Variants in VPS13A observed in about 807,000 individuals in gnomAD.
VPS13A encodes the protein intermembrane lipid transfer protein VPS13A.
A neutral mutation model predicts 390.9 loss-of-function variants in VPS13A; 264 were observed. The ratio of observed to expected loss-of-function variants is 0.68; its 90% CI spans 0.61 to 0.75. VPS13A has a LOEUF of 0.75. VPS13A is among the 30% of genes least tolerant of loss of function. VPS13A has a pLI of 0.00. For synonymous variants in VPS13A, 1,231 were observed against 1,227.1 expected, an observed-to-expected ratio of 1.00 and a Z score of -0.07; for missense variants, 3,409 against 3,733.9, an observed-to-expected ratio of 0.91 and a Z score of 2.27.
chr9:77,380,625 T>G (rs1009405281), intron 67 of VPS13A, among the ~76,000 whole-genome samples: 1 of 152,190 alleles, frequency 6.6e-6, no homozygotes, highest in Non-Finnish European at 1.5e-5. Flanking sequence ...CTGTTTTCAG[T>G]TGGAGAATTT....
intron 68 of VPS13A, among the ~76,000 whole-genome samples, chr9:77,391,055 A>T (rs1031762877): frequency 1.3e-5 from 2 of 152,220 alleles, no homozygotes; most frequent in Non-Finnish European, 2.9e-5. Flanking sequence ...TTTTTAATCA[A>T]AGATCTGTCA....
chr9:77,315,744 C>G (rs1324862037), intron 38 of VPS13A, among the ~76,000 whole-genome samples: 3 of 151,900 alleles, frequency 2.0e-5, no homozygotes, highest in Non-Finnish European at 2.9e-5. Context: ...AGGAATTTGT[C>G]TAGTGGAAAA....
intron 62 of VPS13A, among the ~76,000 whole-genome samples, chr9:77,368,433 T>A (rs1395900342): frequency 6.6e-6 from 1 of 152,186 alleles, no homozygotes; most frequent in East Asian, 1.9e-4. Context: ...AAAAAATGGG[T>A]TCATGGAAAC....
rs777980951 is a variant in VPS13A, at chr9:77,353,546, A to G, written c.7557A>G (p.Leu2519=). 4.3e-6 allele frequency: 7 copies of G among 1,613,596 alleles called. No homozygotes were observed. In the Admixed American group the frequency reaches 5.0e-5, roughly 12 times the overall value. The change falls in exon 54 of 72, where the codon TTA becomes TTG. Residue 2519 remains leucine (L), a synonymous_variant. Coordinates refer to ENST00000360280, the MANE Select transcript of VPS13A (RefSeq NM_033305.3). ...CATATGAAAGTGAGAAAGCAGAGTT[A>G]GCAGAGCAAGAAATTGCAGTGGCAT... ...KVTYESEKAE[L]AEQEIAVALQ...
At position 77,177,708 on chromosome 9, in the gene VPS13A, G is replaced by C. The variant is rs1290491029; in HGVS notation, c.4G>C (p.Val2Leu). The C allele has an allele frequency of 6.2e-7, 1 of 1,613,266 alleles. No individual in the cohort carries two copies. Among genetic ancestry groups the C allele is most frequent in the Non-Finnish European group, 8.5e-7 (1 of 1,179,582 alleles). Residue 2 changes from valine (V) to leucine (L), a missense_variant, in exon 1 of 72, where the codon GTT (valine) becomes CTT (leucine). Physicochemically the swap from Val to Leu is conservative, Grantham distance 32. Around this residue, in one of 5 missense-constraint regions of VPS13A, gnomAD observed 2,717 missense variants for 2,917.4 expected, o/e 0.93. Transcript: ENST00000360280. ...GTGCCCACCACGGCTGAGGAACATGGTTTTCGAGTCGGTGGTCGTGGACGT... is the reference window on the plus strand; with the variant it reads ...GTGCCCACCACGGCTGAGGAACATGCTTTTCGAGTCGGTGGTCGTGGACGT... M[V>L]FESVVVDVLN... is the part of the protein sequence containing the mutation.
At chr9:77,399,167 TAAAA>T (rs763173093) in intron 68 of VPS13A, among the ~76,000 whole-genome samples, 6 of 86,060 alleles carry the variant, frequency 7.0e-5, no homozygotes, top group African/African-American at 1.2e-4. Flanking sequence ...TAGAGTATAA[TAAAA>T]AAAAAAAAAT....
chr9:77,328,380 A>AT (rs1229307613), intron 45 of VPS13A, among the ~76,000 whole-genome samples: 2 of 152,202 alleles, frequency 1.3e-5, no homozygotes, highest in African/African-American at 4.8e-5. Flanking sequence ...AGGCCCTGGG[A>AT]TTTTCATAAT....
intron 60 of VPS13A, among the ~76,000 whole-genome samples, chr9:77,366,373 A>C (rs556789763): frequency 6.6e-6 from 1 of 152,154 alleles, no homozygotes; most frequent in Non-Finnish European, 1.5e-5. Context: ...TAAGTGAAAC[A>C]TAAGTCATAT....
intron 67 of VPS13A, among the ~76,000 whole-genome samples, chr9:77,378,215 A>G (rs116806258): frequency 0.019 from 2,880 of 152,164 alleles, 92 homozygotes; most frequent in African/African-American, 0.064. Flanking sequence ...TTTTTGGAAG[A>G]CTTTGTGGAG....
chr9:77,411,680 A>AAAAAAG (rs1834937333), intron 71 of VPS13A, among the ~76,000 whole-genome samples: 1 of 147,088 alleles, frequency 6.8e-6, no homozygotes, highest in African/African-American at 2.5e-5. Flanking sequence ...AAAAAAAAAA[A>AAAAAAG]AAAAAGGAAC....
At position 77,416,514 on chromosome 9, in the gene VPS13A, GC is replaced by G. The variant is rs1345961292; in HGVS notation, c.*510del. On this transcript the variant is annotated 3_prime_UTR_variant, in exon 72 of 72. Coordinates refer to ENST00000360280, the MANE Select transcript of VPS13A (RefSeq NM_033305.3). ...TTCTTCAGAATCATGAAGTTCTTTT[GC>G]CAGATAAATATTTTGATATTATTTT... The G allele has an allele frequency of 6.5e-6, 1 of 154,086 alleles. No individual in the cohort carries two copies. Among genetic ancestry groups the G allele is most frequent in the African/African-American group, 2.4e-5 (1 of 41,422 alleles). The allele number at this position is 154,086 out of a possible 1,614,324, so 9.5% of individuals were successfully genotyped here. A position where few individuals can be genotyped will look rare whatever the true frequency, so the allele number is the denominator to read the frequency against.
chr9:77,322,089 A>T (rs896354818), intron 44 of VPS13A, among the ~76,000 whole-genome samples: 2 of 151,806 alleles, frequency 1.3e-5, no homozygotes, highest in Non-Finnish European at 2.9e-5. Context: ...TCTTTTATTC[A>T]CATTTGGTAT....
At chr9:77,234,495 A>G (rs1390777451) in intron 17 of VPS13A, among the ~76,000 whole-genome samples, 4 of 152,208 alleles carry the variant, frequency 2.6e-5, no homozygotes, top group Admixed American at 2.0e-4. Context: ...TCCCTGACTT[A>G]GGCTAAGTAT....
intron 23 of VPS13A, among the ~76,000 whole-genome samples, chr9:77,268,719 C>G (rs1233653425): frequency 6.6e-6 from 1 of 152,042 alleles, no homozygotes; most frequent in Non-Finnish European, 1.5e-5. Flanking sequence ...GCAGGCAGAT[C>G]ACTTGAGGTT....
At position 77,321,737 on chromosome 9, in the gene VPS13A, ATTC is replaced by A; in HGVS notation, c.5827_5829del (p.Leu1943del). On this transcript the variant is annotated inframe_deletion, in exon 44 of 72. Transcript: ENST00000360280. ...CAGCCTAAGCAGCAAACTCTTCTTC[ATTC>A]TTCTTAGTAAGTAGTTGAAAAATTA... 1 of 1,613,232 alleles carries A rather than the reference ATTC, an allele frequency of 6.2e-7. No homozygotes were observed. Among genetic ancestry groups the A allele is most frequent in the Non-Finnish European group, 8.5e-7 (1 of 1,179,452 alleles).
chr9:77,233,000 A>C (rs78287624), intron 17 of VPS13A, among the ~76,000 whole-genome samples: 3,521 of 152,312 alleles, frequency 0.023, 114 homozygotes, highest in East Asian at 0.12. Context: ...ACTAAAGTTT[A>C]TAGTAAAGTT....
intron 3 of VPS13A, among the ~76,000 whole-genome samples, chr9:77,204,999 A>T (rs1055596258): frequency 6.6e-6 from 1 of 152,172 alleles, no homozygotes; most frequent in Non-Finnish European, 1.5e-5. Context: ...AAGTTATGAT[A>T]TTAAGGATTG....
chr9:77,260,171 A>T lies in VPS13A; in HGVS notation c.2374A>T (p.Ile792Phe). 6.2e-7 allele frequency: 1 copy of T among 1,612,960 alleles called. No individual in the cohort carries two copies. The highest frequency in any genetic ancestry group is 8.5e-7 in the Non-Finnish European group (1 of 1,179,236). ...LQGIMELIES[I>F]PKPEPVTEVS... is the part of the protein sequence containing the mutation. The stretch of plus-strand genomic sequence containing the variant: ...AGGGATTATGGAATTGATTGAAAGC[A>T]TTCCAAAACCTGAACCAGTAACTGA... Residue 792 changes from isoleucine (I) to phenylalanine (F), a missense_variant, in exon 23 of 72, where the codon ATT becomes TTT. Physicochemically the swap from Ile to Phe is conservative, Grantham distance 21. Around this residue, in one of 5 missense-constraint regions of VPS13A, gnomAD observed 2,717 missense variants for 2,917.4 expected, o/e 0.93. Transcript: ENST00000360280.
chr9:77,378,524 T>C (rs1325206580), intron 67 of VPS13A, among the ~76,000 whole-genome samples: 3 of 152,084 alleles, frequency 2.0e-5, no homozygotes, highest in Admixed American at 2.0e-4. Flanking sequence ...AATTATTTTT[T>C]GTTTCCATAA....
Sources: allele counts gnomAD v4.1 joint callset (sites outside exome capture counted in the v4.1 genomes callset), GRCh38; gene constraint gnomAD v4.1.1; regional missense constraint gnomAD v4.1.1; transcripts MANE v1.5; gene names NCBI Gene and HGNC (gene_info 2026-07-23, HGNC 2026-07-21).